The following TCF12 variants were observed in gnomAD, a reference collection of about 807,000 sequenced individuals.
The protein encoded by TCF12 is DNA-binding protein HTF4.
In TCF12, 45 loss-of-function variants were observed where a neutral mutation model predicts 86.0. That is an observed-to-expected ratio of 0.52 (90% CI 0.41 to 0.67). The LOEUF is 0.67. Among genes scored for constraint, TCF12 ranks in the 30% least tolerant of loss-of-function variants. TCF12 has a pLI of 0.00. For synonymous variants in TCF12, 330 were observed against 299.6 expected (o/e 1.10, Z -1.05); for missense variants, 881 against 859.9 (o/e 1.02, Z -0.31).
At chr15:57,198,544 A>G (rs1254465322) in intron 8 of TCF12, among the ~76,000 whole-genome samples, 1 of 152,224 alleles carries the variant, frequency 6.6e-6, no homozygotes, top group Non-Finnish European at 1.5e-5. Context: ...TATTAAATAT[A>G]CTTTATTCTT....
intron 3 of TCF12, among the ~76,000 whole-genome samples, chr15:56,979,622 A>G (rs1449046839): frequency 1.3e-5 from 2 of 152,208 alleles, no homozygotes; most frequent in East Asian, 3.8e-4. Context: ...AAATACAGTA[A>G]GAGAGTATGT....
At chr15:57,226,359 G>T (rs12909016) in intron 8 of TCF12, among the ~76,000 whole-genome samples, 59,556 of 151,780 alleles carry the variant, frequency 0.39, 14,567 homozygotes, top group Non-Finnish European at 0.54. Context: ...TGATGGCAGG[G>T]CAAGTTAGCC....
At chr15:57,036,426 C>T (rs1275749476) in intron 3 of TCF12, among the ~76,000 whole-genome samples, 1 of 152,130 alleles carries the variant, frequency 6.6e-6, no homozygotes, top group Non-Finnish European at 1.5e-5. Context: ...GAGAAACTGC[C>T]AGACTGTTTT....
intron 5 of TCF12, among the ~76,000 whole-genome samples, chr15:57,162,070 A>G (rs1323973940): frequency 6.6e-6 from 1 of 152,214 alleles, no homozygotes; most frequent in Non-Finnish European, 1.5e-5. Context: ...ACAAGAGTGT[A>G]GTAAAAACCC....
At chr15:57,230,354 T>C (rs1347572162) in intron 8 of TCF12, among the ~76,000 whole-genome samples, 1 of 152,012 alleles carries the variant, frequency 6.6e-6, no homozygotes, top group African/African-American at 2.4e-5. Flanking sequence ...ACTTTAGATA[T>C]TATTTGTTTT....
rs117993152 is a variant in TCF12 at position 57,061,165 on chromosome 15, T to C, written c.149-2585T>C. On this transcript the variant is annotated intron_variant, in intron 3 of 20. Coordinates refer to ENST00000333725, the MANE Select transcript of TCF12 (RefSeq NM_207037.2). ...TAGTCTTTGCTTTTTCTTTATTTTA[T>C]AGAAGTAGAGTCACTTGATGAAAAT... Among the ~76,000 whole-genome samples, 1,205 of 152,338 alleles carry C rather than the reference T, an allele frequency of 7.9e-3. 7 individuals are homozygous for C. The highest frequency in any genetic ancestry group is 0.011 in the Non-Finnish European group (734 of 68,014).
chr15:57,218,017 T>C (rs2058402384), intron 8 of TCF12, among the ~76,000 whole-genome samples: 1 of 152,190 alleles, frequency 6.6e-6, no homozygotes, highest in South Asian at 2.1e-4. Flanking sequence ...GGAGGTTTTA[T>C]TGTTGTTCCA....
At chr15:57,096,575 A>G (rs2049338959) in intron 5 of TCF12, among the ~76,000 whole-genome samples, 2 of 152,178 alleles carry the variant, frequency 1.3e-5, no homozygotes, top group Non-Finnish European at 2.9e-5. Flanking sequence ...ATCCTCCTGT[A>G]TACTTTAAAT....
chr15:57,078,600 T>A (rs1260531555), intron 4 of TCF12, among the ~76,000 whole-genome samples: 2 of 151,982 alleles, frequency 1.3e-5, no homozygotes, highest in African/African-American at 4.8e-5. Flanking sequence ...TACATATGCA[T>A]TATCACACTT....
At chr15:57,100,691 A>G (rs567612301) in intron 5 of TCF12, among the ~76,000 whole-genome samples, 1 of 152,300 alleles carries the variant, frequency 6.6e-6, no homozygotes, top group Non-Finnish European at 1.5e-5. Context: ...ATAATATGTT[A>G]TAAAGAATAG....
chr15:57,004,187 G>A (rs897899149), intron 3 of TCF12, among the ~76,000 whole-genome samples: 5 of 151,368 alleles, frequency 3.3e-5, no homozygotes, highest in Non-Finnish European at 5.9e-5. Context: ...ATTAAAAATT[G>A]AGCTAAAGAA....
At chr15:57,131,412 G>A (rs2052106989) in intron 5 of TCF12, among the ~76,000 whole-genome samples, 1 of 152,092 alleles carries the variant, frequency 6.6e-6, no homozygotes, top group African/African-American at 2.4e-5. Context: ...TATGTTGTTT[G>A]GGGGATGGGT....
At chr15:56,949,334 T>TA (rs1229145133) in intron 3 of TCF12, among the ~76,000 whole-genome samples, 1 of 152,206 alleles carries the variant, frequency 6.6e-6, no homozygotes, top group Non-Finnish European at 1.5e-5. Context: ...AACTCCTTTT[T>TA]AAAAAAACTT....
intron 5 of TCF12, among the ~76,000 whole-genome samples, chr15:57,137,617 T>C (rs1275255068): frequency 6.6e-6 from 1 of 152,252 alleles, no homozygotes; most frequent in Non-Finnish European, 1.5e-5. Context: ...ATACAGTGAC[T>C]CTGCAACTGC....
At chr15:57,096,244 A>G (rs1357772164) in intron 5 of TCF12, among the ~76,000 whole-genome samples, 3 of 152,166 alleles carry the variant, frequency 2.0e-5, no homozygotes, top group African/African-American at 7.2e-5. Flanking sequence ...TGGAATGTTA[A>G]AGACTCTGAA....
chr15:57,024,591 G>A (rs1350241365), intron 3 of TCF12, among the ~76,000 whole-genome samples: 1 of 152,204 alleles, frequency 6.6e-6, no homozygotes, highest in East Asian at 1.9e-4. Flanking sequence ...AGACTGGAAT[G>A]TCAGCTTTAT....
chr15:57,283,464 G>A (rs750532469), intron 20 of TCF12, among the ~76,000 whole-genome samples: 13 of 152,006 alleles, frequency 8.6e-5, no homozygotes, highest in Middle Eastern at 3.4e-3. Flanking sequence ...GGGATTTCAC[G>A]ATGTTGGCCA....
chr15:56,985,747 A>G (rs1238958546), intron 3 of TCF12, among the ~76,000 whole-genome samples: 4 of 152,124 alleles, frequency 2.6e-5, no homozygotes, highest in African/African-American at 7.2e-5. Context: ...TAGGACACCA[A>G]AGCTCATGAA....
chr15:57,247,668 T>A (rs2059925747), intron 13 of TCF12: 1 of 761,746 alleles, frequency 1.3e-6, no homozygotes, highest in South Asian at 1.4e-5. Context: ...CCAACAAAAA[T>A]TTTCCTCACT....
Sources: gnomAD v4.1 joint callset for allele counts (sites outside exome capture counted in the v4.1 genomes callset) on GRCh38, gnomAD v4.1.1 for gene constraint, MANE v1.5 for transcripts, NCBI Gene and HGNC (gene_info 2026-07-23, HGNC 2026-07-21) for gene names.